The following DHX36 variants were observed in gnomAD, a reference collection of about 807,000 sequenced individuals.
DHX36 encodes the protein DEAH-box helicase 36, also known as ATP-dependent DNA/RNA helicase DHX36.
Under a neutral mutation model 139.0 loss-of-function variants are expected in DHX36, and 50 were observed. That is an observed-to-expected ratio of 0.36 (90% CI 0.29 to 0.46). DHX36 has a LOEUF of 0.46. Among genes scored for constraint, DHX36 ranks in the 20% least tolerant of loss-of-function variants. DHX36 has a pLI of 1.00. For synonymous variants in DHX36, 425 were observed against 401.9 expected (o/e 1.06, Z -0.69); for missense variants, 1,024 against 1,211.3 (o/e 0.85, Z 2.29).
intron 17 of DHX36, among the ~76,000 whole-genome samples, chr3:154,285,811 T>G (rs1711526252): frequency 6.6e-6 from 1 of 152,052 alleles, no homozygotes; most frequent in South Asian, 2.1e-4. Context: ...CACTTAATTT[T>G]TTTTTTTTTA....
chr3:154,301,060 T>C lies in DHX36; in HGVS notation c.1285A>G (p.Arg429Gly), dbSNP rs201175580. 1.1e-4 allele frequency: 178 copies of C among 1,613,458 alleles called. 2 individuals are homozygous for C. The highest frequency in any genetic ancestry group is 3.3e-5 in the Admixed American group (2 of 59,878). Residue 429 changes from arginine (R) to glycine (G), a missense_variant, in exon 10 of 25, where the codon AGA becomes GGA. This residue lies in a region of DHX36 where 115 missense variants were observed against 105.6 expected (regional missense o/e 1.09). Coordinates refer to ENST00000496811, the MANE Select transcript of DHX36 (RefSeq NM_020865.3). ...GCTTCTTTTTCTTCTTTTTCTTGTC[T>C]ATTTACATGCCCTTGCATGAAACCC... ...KRGFMQGHVN[R>G]QEKEEKEAIY...
At chr3:154,280,475 A>G in intron 22 of DHX36, 104 bp downstream of exon 22, 2 of 810,052 alleles carry the variant, frequency 2.5e-6, no homozygotes, top group Non-Finnish European at 2.0e-6. Flanking sequence ...TATAACCCAC[A>G]TATGAATAAG....
chr3:154,284,223 A>G (rs1355950240), intron 19 of DHX36, among the ~76,000 whole-genome samples: 2 of 152,190 alleles, frequency 1.3e-5, no homozygotes, highest in East Asian at 3.9e-4. Context: ...TCCATCGCCC[A>G]GGCTGAAGTG....
At chr3:154,294,781 T>C (rs1437245225) in intron 13 of DHX36, among the ~76,000 whole-genome samples, 1 of 152,202 alleles carries the variant, frequency 6.6e-6, no homozygotes, top group African/African-American at 2.4e-5. Flanking sequence ...ATCATAACAT[T>C]ATCCTGCCTC....
intron 22 of DHX36, among the ~76,000 whole-genome samples, chr3:154,278,090 T>A (rs1576853542): frequency 6.6e-6 from 1 of 152,080 alleles, no homozygotes; most frequent in East Asian, 1.9e-4. Context: ...CTAAAATAAT[T>A]AAGTGATTCA....
chr3:154,294,438 C>T (rs1280840840), intron 13 of DHX36, among the ~76,000 whole-genome samples: 1 of 152,168 alleles, frequency 6.6e-6, no homozygotes, highest in African/African-American at 2.4e-5. Flanking sequence ...AACTGGTAGT[C>T]AATACAGAAA....
intron 15 of DHX36, among the ~76,000 whole-genome samples, chr3:154,291,903 C>T (rs1281709229): frequency 6.6e-6 from 1 of 152,146 alleles, no homozygotes; most frequent in African/African-American, 2.4e-5. Flanking sequence ...ATCATTTTTC[C>T]TATCATTAAG....
chr3:154,276,678 T>C lies in DHX36; in HGVS notation c.2841+69A>G, dbSNP rs947836764. 26 of 1,479,700 alleles carry C rather than the reference T, an allele frequency of 1.8e-5. No homozygotes were observed. The South Asian group carries it at 2.6e-4, about 15-fold the overall frequency. 91.7% of individuals were successfully genotyped at this position (1,479,700 alleles called of 1,614,324 possible). A position where few individuals can be genotyped will look rare whatever the true frequency, so the allele number is the denominator to read the frequency against. ...AAGAAATGTTAATCTATTTAACAGT[T>C]AGAACAAAACCACATGACCACATGC... On this transcript the variant is annotated intron_variant, in intron 24 of 24. Coordinates refer to ENST00000496811, the MANE Select transcript of DHX36 (RefSeq NM_020865.3).
intron 12 of DHX36, among the ~76,000 whole-genome samples, chr3:154,297,850 G>A (rs773922195): frequency 5.3e-5 from 8 of 151,866 alleles, no homozygotes; most frequent in Non-Finnish European, 1.0e-4. Flanking sequence ...TTATATTGTT[G>A]ACACCATACA....
At chr3:154,300,801 T>C in intron 10 of DHX36, 105 bp from the exon 11 acceptor site, 1 of 1,279,724 alleles carries the variant, frequency 7.8e-7, no homozygotes, top group Non-Finnish European at 1.1e-6. Context: ...GAACATAATC[T>C]ACAGATCGGA....
In DHX36 at chr3:154,293,756, C is replaced by G; in HGVS notation, c.1662G>C (p.Ala554=). ...VRKIVIATNI[A]ETSITIDDVV... ...TTTAAAACTATTTTTACCTAGTCTCCGCAATGTTGGTAGCAATTACTATTT... is the reference window on the plus strand; with the variant it reads ...TTTAAAACTATTTTTACCTAGTCTCGGCAATGTTGGTAGCAATTACTATTT... The change falls in exon 14 of 25, where the codon GCG becomes GCC. Residue 554 remains alanine (A), a synonymous_variant. Coordinates refer to ENST00000496811, the MANE Select transcript of DHX36 (RefSeq NM_020865.3). 1 of 1,612,140 alleles carries G rather than the reference C, an allele frequency of 6.2e-7. No individual in the cohort carries two copies. The highest frequency in any genetic ancestry group is 8.5e-7 in the Non-Finnish European group (1 of 1,178,606).
In DHX36 at chr3:154,285,056, C is replaced by T. The variant is rs1576858397; in HGVS notation, c.2032-69G>A. 14 of 1,512,842 alleles carry T rather than the reference C, an allele frequency of 9.3e-6. No homozygotes were observed. In the Admixed American group the frequency reaches 1.5e-4, roughly 16 times the overall value. 93.7% of individuals were successfully genotyped at this position (1,512,842 alleles called of 1,614,324 possible). A position where few individuals can be genotyped will look rare whatever the true frequency, so the allele number is the denominator to read the frequency against. Reference sequence around the variant, plus strand: ...TTACATTTAAAACGATTTTAGCTTGCTTTAAAAAGAGTAACAAGCCACTAC... The same window carrying T: ...TTACATTTAAAACGATTTTAGCTTGTTTTAAAAAGAGTAACAAGCCACTAC... On this transcript the variant is annotated intron_variant, in intron 17 of 24. Transcript: ENST00000496811.
At chr3:154,293,473 T>C (rs577382096) in intron 14 of DHX36, among the ~76,000 whole-genome samples, 63 of 152,210 alleles carry the variant, frequency 4.1e-4, no homozygotes, top group African/African-American at 1.5e-3. Context: ...TACAAGCTAC[T>C]TGGGAGGCTG....
intron 1 of DHX36, among the ~76,000 whole-genome samples, chr3:154,320,764 T>C (rs1308873887): frequency 6.6e-6 from 1 of 152,020 alleles, no homozygotes; most frequent in Non-Finnish European, 1.5e-5. Flanking sequence ...ATCTGTCCAC[T>C]CCCCTCCATC....
chr3:154,321,052 A>C (rs1290133652), intron 1 of DHX36, among the ~76,000 whole-genome samples: 2 of 152,258 alleles, frequency 1.3e-5, no homozygotes, highest in African/African-American at 4.8e-5. Context: ...ATTATATTAA[A>C]GGATCATGAC....
At chr3:154,288,512 GTCCT>G (rs1711649439) in intron 17 of DHX36, among the ~76,000 whole-genome samples, 1 of 152,040 alleles carries the variant, frequency 6.6e-6, no homozygotes, top group South Asian at 2.1e-4. Context: ...TTACTACATA[GTCCT>G]TCCTTTGTGA....
rs762931017 is a variant in DHX36, at chr3:154,280,643, T to C, written c.2503A>G (p.Ile835Val). Reference sequence around the variant, plus strand: ...ACTTTGGGATATAAACCAGCACAGATGACAGCTTTAATTATCTTCTCATTA... The same window carrying C: ...ACTTTGGGATATAAACCAGCACAGACGACAGCTTTAATTATCTTCTCATTA... ...SDNEKIIKAVICAGLYPKVAK... is the reference protein window; with the variant it reads ...SDNEKIIKAVVCAGLYPKVAK... Residue 835 changes from isoleucine to valine, a missense_variant, in exon 22 of 25, where the codon ATC becomes GTC. By Grantham distance (29) the Ile-to-Val change is conservative. This residue lies in a region of DHX36 where 470 missense variants were observed against 616.2 expected (regional missense o/e 0.76). Coordinates refer to ENST00000496811, the MANE Select transcript of DHX36 (RefSeq NM_020865.3). 84 of 1,613,162 alleles carry C rather than the reference T, an allele frequency of 5.2e-5. No individual in the cohort carries two copies. The highest frequency in any genetic ancestry group is 6.8e-5 in the Non-Finnish European group (80 of 1,179,666).
At chr3:154,282,348 G>A (rs1454259625) in intron 20 of DHX36, among the ~76,000 whole-genome samples, 1 of 151,914 alleles carries the variant, frequency 6.6e-6, no homozygotes, top group Non-Finnish European at 1.5e-5. Context: ...TGTTTTTAAG[G>A]GGTGTCCATT....
At chr3:154,316,627 G>C (rs1453883676) in intron 1 of DHX36, among the ~76,000 whole-genome samples, 4 of 152,076 alleles carry the variant, frequency 2.6e-5, no homozygotes, top group Admixed American at 6.6e-5. Flanking sequence ...AAGTAAGGCT[G>C]AGCTCAGAAG....
Sources: gnomAD v4.1 joint callset for allele counts (sites outside exome capture counted in the v4.1 genomes callset) on GRCh38, gnomAD v4.1.1 for gene constraint, gnomAD v4.1.1 regional missense constraint, MANE v1.5 for transcripts, NCBI Gene and HGNC (gene_info 2026-07-23, HGNC 2026-07-21) for gene names.